Variants in IL1RAPL1 observed in about 807,000 individuals in gnomAD.
IL1RAPL1 encodes interleukin-1 receptor accessory protein-like 1.
IL1RAPL1 carries 3 observed loss-of-function variants against 48.4 expected under a neutral mutation model. The observed-to-expected ratio is 0.06, with a 90% confidence interval of 0.03 to 0.16. IL1RAPL1 has a LOEUF of 0.16. IL1RAPL1 is among the 10% of genes least tolerant of loss of function. The pLI is 1.00. For missense variants in IL1RAPL1, 349 were observed against 530.6 expected (o/e 0.66, Z 3.36); for synonymous variants, 185 against 187.7 (o/e 0.99, Z 0.12).
At chrX:28,953,764 C>T (rs376286951) in intron 2 of IL1RAPL1, among the ~76,000 whole-genome samples, 49 of 110,891 alleles carry the variant, frequency 4.4e-4, no homozygotes, top group African/African-American at 1.5e-3. Context: ...ATCTTCCATT[C>T]TAGATACAAA....
At chrX:29,574,238 A>G (rs1322877088) in intron 5 of IL1RAPL1, 1 of 109,531 alleles carries the variant, frequency 9.1e-6, no homozygotes, top group Non-Finnish European at 1.9e-5. Flanking sequence ...CTTACTCACT[A>G]TCATGAGAAC....
At chrX:28,889,801 G>A (rs1461560459) in intron 2 of IL1RAPL1, among the ~76,000 whole-genome samples, 1 of 110,980 alleles carries the variant, frequency 9.0e-6, no homozygotes, top group Non-Finnish European at 1.9e-5. Context: ...AATATCTGGT[G>A]ACGTCTGACT....
At chrX:28,869,431 T>C (rs939410450) in intron 2 of IL1RAPL1, among the ~76,000 whole-genome samples, 3 of 103,334 alleles carry the variant, frequency 2.9e-5, no homozygotes, top group Non-Finnish European at 5.9e-5. Context: ...ATTTATTTGC[T>C]ATACATTATA....
At chrX:29,856,559 A>G (rs985933149) in intron 6 of IL1RAPL1, among the ~76,000 whole-genome samples, 2 of 111,971 alleles carry the variant, frequency 1.8e-5, no homozygotes, top group African/African-American at 3.2e-5. Context: ...TTCTTTTGCT[A>G]CCAAATGAGT....
intron 2 of IL1RAPL1, among the ~76,000 whole-genome samples, chrX:29,228,332 A>T (rs1163008469): frequency 1.1e-4 from 9 of 79,564 alleles, no homozygotes; most frequent in African/African-American, 1.9e-4. Context: ...AGTTTTGCCT[A>T]GTGTGTGTGT....
At chrX:29,143,887 A>G (rs1398571460) in intron 2 of IL1RAPL1, among the ~76,000 whole-genome samples, 2 of 112,037 alleles carry the variant, frequency 1.8e-5, no homozygotes, top group African/African-American at 6.5e-5. Flanking sequence ...TATTCCCGTC[A>G]GATAAGAGGG....
intron 2 of IL1RAPL1, among the ~76,000 whole-genome samples, chrX:29,160,972 C>T (rs1472635177): frequency 2.7e-5 from 3 of 110,667 alleles, no homozygotes; most frequent in Admixed American, 1.9e-4. Flanking sequence ...GCAGGAGAAT[C>T]GCTTGAGCCC....
intron 2 of IL1RAPL1, among the ~76,000 whole-genome samples, chrX:29,041,116 T>G (rs958100849): frequency 6.3e-5 from 7 of 111,799 alleles, no homozygotes; most frequent in Admixed American, 2.9e-4. Context: ...TAGCAAATGT[T>G]GTTACTGAGT....
At position 29,433,307 on chromosome X, in the gene IL1RAPL1, A is replaced by G. The variant is rs1934442838; in HGVS notation, c.703+33999A>G. Among the ~76,000 whole-genome samples the G allele has an allele frequency of 2.7e-5, 3 of 111,149 alleles. No individual in the cohort carries two copies. The South Asian group carries it at 1.1e-3, about 41-fold the overall frequency. On this transcript the variant is annotated intron_variant, in intron 5 of 10. Coordinates refer to ENST00000378993, the MANE Select transcript of IL1RAPL1 (RefSeq NM_014271.4). The stretch of plus-strand genomic sequence containing the variant: ...TCTAACCATATTTTATGTGCTTTTA[A>G]AATTTGTTTTTGTGCTTTAATAACA...
At chrX:29,795,413 A>T (rs1395433011) in intron 6 of IL1RAPL1, among the ~76,000 whole-genome samples, 1 of 111,669 alleles carries the variant, frequency 9.0e-6, no homozygotes, top group Non-Finnish European at 1.9e-5. Context: ...AATCGCTTCC[A>T]ACATTTTTTG....
chrX:28,600,836 G>A (rs1200657041), intron 1 of IL1RAPL1, among the ~76,000 whole-genome samples: 1 of 111,813 alleles, frequency 8.9e-6, no homozygotes, highest in Non-Finnish European at 1.9e-5. Context: ...CTGAAAGGAA[G>A]CATTTCATAT....
At chrX:29,951,641 G>A (rs1933322689) in intron 9 of IL1RAPL1, among the ~76,000 whole-genome samples, 1 of 111,797 alleles carries the variant, frequency 8.9e-6, no homozygotes, top group Admixed American at 9.5e-5. Flanking sequence ...TAAAGATAAG[G>A]GATAGGTGGA....
At chrX:28,646,105 C>T (rs934105569) in intron 1 of IL1RAPL1, among the ~76,000 whole-genome samples, 1 of 112,042 alleles carries the variant, frequency 8.9e-6, no homozygotes, top group Non-Finnish European at 1.9e-5. Flanking sequence ...GGACAGGTTT[C>T]GTGGAAGACA....
chrX:29,239,491 A>G (rs1252657271), intron 2 of IL1RAPL1, among the ~76,000 whole-genome samples: 1 of 112,246 alleles, frequency 8.9e-6, no homozygotes, highest in Non-Finnish European at 1.9e-5. Context: ...GTGGCTTAAA[A>G]CAACATAATG....
Position 29,627,450 on chromosome X carries a change from C to T in IL1RAPL1, c.704-40980C>T, listed in dbSNP as rs139079631. ...TTTTGTTTTTGTTTCAAATGTGTTT[C>T]AAGTCACCTAAAACCCTCTGTCCTT... On this transcript the variant is annotated intron_variant, in intron 5 of 10. Transcript: ENST00000378993. Among the ~76,000 whole-genome samples the T allele has an allele frequency of 3.8e-3, 428 of 112,249 alleles. 2 individuals are homozygous for T. The highest frequency in any genetic ancestry group is 0.013 in the African/African-American group (404 of 30,893).
At chrX:29,562,427 C>T (rs1922267874) in intron 5 of IL1RAPL1, among the ~76,000 whole-genome samples, 1 of 110,997 alleles carries the variant, frequency 9.0e-6, no homozygotes, top group Non-Finnish European at 1.9e-5. Context: ...GAATGTTTAA[C>T]AAGTCTCTCA....
At chrX:29,433,002 C>CT (rs1209557755) in intron 5 of IL1RAPL1, among the ~76,000 whole-genome samples, 2 of 109,841 alleles carry the variant, frequency 1.8e-5, no homozygotes, top group African/African-American at 6.6e-5. Context: ...CGCTAAGGAG[C>CT]TTTTTTAGTT....
In IL1RAPL1 at chrX:29,350,485, T is replaced by C. The variant is rs975660950; in HGVS notation, c.363-45773T>C. On this transcript the variant is annotated intron_variant, in intron 3 of 10. Transcript: ENST00000378993. Reference sequence around the variant, plus strand: ...TGTCTATGTGGAATTTGCATTTCTCTGAATGTCCGAATGAGTTTTCTCTGG... The same window carrying C: ...TGTCTATGTGGAATTTGCATTTCTCCGAATGTCCGAATGAGTTTTCTCTGG... 6.5e-5 allele frequency among the ~76,000 whole-genome samples: 7 copies of C among 107,833 alleles called. No homozygotes were observed. In the East Asian group the frequency reaches 2.1e-3, roughly 32 times the overall value. The allele number at this position is 107,833 out of a possible 115,157, so 93.6% of individuals were successfully genotyped here.
At chrX:28,690,432 C>T (rs1388806894) in intron 1 of IL1RAPL1, among the ~76,000 whole-genome samples, 1 of 110,185 alleles carries the variant, frequency 9.1e-6, no homozygotes, top group Non-Finnish European at 1.9e-5. Context: ...GAGCTCCTAA[C>T]TAATAAATCC....
Sources: gnomAD v4.1 joint callset for allele counts (sites outside exome capture counted in the v4.1 genomes callset) on GRCh38, gnomAD v4.1.1 for gene constraint, MANE v1.5 for transcripts, NCBI Gene and HGNC (gene_info 2026-07-23, HGNC 2026-07-21) for gene names.